Variants in HS6ST3 observed in about 807,000 individuals in gnomAD.
HS6ST3 encodes heparan sulfate 6-O-sulfotransferase 3.
HS6ST3 carries 12 observed loss-of-function variants against 36.7 expected under a neutral mutation model. The observed-to-expected ratio is 0.33, with a 90% CI of 0.21 to 0.53. The LOEUF is 0.53. Ranked by LOEUF, HS6ST3 falls within the 20% of genes least tolerant of loss-of-function variation. HS6ST3 has a pLI of 0.95. For synonymous variants in HS6ST3, 240 were observed against 257.5 expected (o/e 0.93, Z 0.65); for missense variants, 584 against 640.9 (o/e 0.91, Z 0.96).
chr13:96,396,310 TTTTGTTTG>T (rs945133875), intron 1 of HS6ST3, among the ~76,000 whole-genome samples: 19 of 112,178 alleles, frequency 1.7e-4, no homozygotes, highest in African/African-American at 6.0e-4. Context: ...GGAGACTCTG[TTTTGTTTG>T]TTTGTTTGTT....
intron 1 of HS6ST3, among the ~76,000 whole-genome samples, chr13:96,477,950 A>G (rs2055872030): frequency 2.6e-5 from 4 of 152,120 alleles, no homozygotes; most frequent in Admixed American, 2.6e-4. Flanking sequence ...CACACAAAAA[A>G]CCGAAAGCTA....
chr13:96,733,914 C>A (rs1055708548), intron 1 of HS6ST3, among the ~76,000 whole-genome samples: 1 of 152,182 alleles, frequency 6.6e-6, no homozygotes, highest in Non-Finnish European at 1.5e-5. Context: ...CCTCCCACTG[C>A]CACCACAGCC....
At position 96,090,889 on chromosome 13, in the gene HS6ST3, G is replaced by T; in HGVS notation, c.27G>T (p.Leu9=). 6.6e-7 allele frequency: 1 copy of T among 1,512,378 alleles called. No homozygotes were observed. Among genetic ancestry groups the T allele is most frequent in the Non-Finnish European group, 8.9e-7 (1 of 1,125,270 alleles). 93.7% of individuals were successfully genotyped at this position (1,512,378 alleles called of 1,614,324 possible). The change falls in exon 1 of 2, where the codon CTG becomes CTT. Residue 9 remains leucine (L), a synonymous_variant. Coordinates refer to ENST00000376705, the MANE Select transcript of HS6ST3 (RefSeq NM_153456.4). MDERFNKW[L]LTPVLTLLFV... is the part of the protein sequence containing the mutation. Reference sequence around the variant, plus strand: ...TGGATGAAAGGTTCAACAAGTGGCTGCTGACGCCGGTGCTCACTCTCCTCT... The same window carrying T: ...TGGATGAAAGGTTCAACAAGTGGCTTCTGACGCCGGTGCTCACTCTCCTCT...
intron 1 of HS6ST3, among the ~76,000 whole-genome samples, chr13:96,180,214 AC>A (rs2054233264): frequency 6.6e-6 from 1 of 152,190 alleles, no homozygotes; most frequent in South Asian, 2.1e-4. Context: ...ACACACGCCA[AC>A]CAACTAAACT....
chr13:96,538,515 C>T (rs1395541978), intron 1 of HS6ST3, among the ~76,000 whole-genome samples: 1 of 152,224 alleles, frequency 6.6e-6, no homozygotes, highest in Non-Finnish European at 1.5e-5. Context: ...ACGATCTTGG[C>T]TCACTGCAAC....
chr13:96,461,519 A>G (rs1403441042), intron 1 of HS6ST3, among the ~76,000 whole-genome samples: 3 of 152,222 alleles, frequency 2.0e-5, no homozygotes, highest in African/African-American at 7.2e-5. Context: ...TTCTGGTAGT[A>G]TGAAAGGCTA....
intron 1 of HS6ST3, among the ~76,000 whole-genome samples, chr13:96,743,003 T>A (rs1876479759): frequency 6.6e-6 from 1 of 152,082 alleles, no homozygotes; most frequent in African/African-American, 2.4e-5. Context: ...GAGGAGAGTG[T>A]CCACTCTAAC....
Position 96,688,534 on chromosome 13 carries a change from C to A in HS6ST3, c.708-143956C>A, listed in dbSNP as rs552106624. 5.2e-3 allele frequency among the ~76,000 whole-genome samples: 796 copies of A among 152,030 alleles called. 8 individuals are homozygous for A. Among genetic ancestry groups the A allele is most frequent in the African/African-American group, 0.018 (758 of 41,500 alleles). On this transcript the variant is annotated intron_variant, in intron 1 of 1. Transcript: ENST00000376705. Reference sequence around the variant, plus strand: ...TTTGCAGGTCTTATGAAGGATAGTGCTGAAGGAATAGCGGAGAAGAGACGC... The same window carrying A: ...TTTGCAGGTCTTATGAAGGATAGTGATGAAGGAATAGCGGAGAAGAGACGC...
chr13:96,120,867 T>G (rs2053922222), intron 1 of HS6ST3, among the ~76,000 whole-genome samples: 1 of 152,186 alleles, frequency 6.6e-6, no homozygotes, highest in South Asian at 2.1e-4. Context: ...CTAAAGGACA[T>G]GTATTACAAA....
At chr13:96,674,698 G>A (rs2056693445) in intron 1 of HS6ST3, among the ~76,000 whole-genome samples, 1 of 152,100 alleles carries the variant, frequency 6.6e-6, no homozygotes, top group African/African-American at 2.4e-5. Context: ...GGGGGATGCT[G>A]GAGACACATG....
At chr13:96,184,909 C>T (rs1440129036) in intron 1 of HS6ST3, among the ~76,000 whole-genome samples, 1 of 152,146 alleles carries the variant, frequency 6.6e-6, no homozygotes, top group South Asian at 2.1e-4. Context: ...CCCGCCAGGG[C>T]CCTGGCACAA....
At chr13:96,646,305 G>T (rs1416830882) in intron 1 of HS6ST3, among the ~76,000 whole-genome samples, 2 of 151,950 alleles carry the variant, frequency 1.3e-5, no homozygotes, top group Non-Finnish European at 2.9e-5. Context: ...TTCATACTTT[G>T]CTGGATGCTG....
At chr13:96,826,189 G>T (rs1339082894) in intron 1 of HS6ST3, among the ~76,000 whole-genome samples, 1 of 152,080 alleles carries the variant, frequency 6.6e-6, no homozygotes, top group Non-Finnish European at 1.5e-5. Flanking sequence ...CCTTTTTGCA[G>T]TGAGTCTGTG....
chr13:96,246,080 G>C (rs1261375300), intron 1 of HS6ST3, among the ~76,000 whole-genome samples: 1 of 152,112 alleles, frequency 6.6e-6, no homozygotes, highest in Non-Finnish European at 1.5e-5. Context: ...TTCTTTATTA[G>C]ATTAAATAAT....
At chr13:96,237,511 A>T (rs1019075182) in intron 1 of HS6ST3, among the ~76,000 whole-genome samples, 2 of 151,934 alleles carry the variant, frequency 1.3e-5, no homozygotes, top group African/African-American at 4.8e-5. Flanking sequence ...TGCATCATTC[A>T]TCTCTTCCTT....
At chr13:96,659,845 T>A (rs2056640271) in intron 1 of HS6ST3, among the ~76,000 whole-genome samples, 1 of 152,140 alleles carries the variant, frequency 6.6e-6, no homozygotes, top group Non-Finnish European at 1.5e-5. Context: ...CTTCTGTTGA[T>A]ACATAAACAG....
At chr13:96,344,549 G>C (rs2055144650) in intron 1 of HS6ST3, among the ~76,000 whole-genome samples, 1 of 152,148 alleles carries the variant, frequency 6.6e-6, no homozygotes, top group Non-Finnish European at 1.5e-5. Flanking sequence ...CTTTCTCTTT[G>C]CTACTGATTG....
chr13:96,587,086 A>G (rs1347047371), intron 1 of HS6ST3, among the ~76,000 whole-genome samples: 1 of 152,110 alleles, frequency 6.6e-6, no homozygotes, highest in Non-Finnish European at 1.5e-5. Context: ...ACCTTTGTTG[A>G]AAGTCAGTCA....
intron 1 of HS6ST3, among the ~76,000 whole-genome samples, chr13:96,131,849 C>CA (rs2139311985): frequency 6.6e-6 from 1 of 150,944 alleles, no homozygotes; most frequent in South Asian, 2.1e-4. Flanking sequence ...TGTAACCTGA[C>CA]AAACGTCACA....
Sources: gnomAD v4.1 joint callset for allele counts (sites outside exome capture counted in the v4.1 genomes callset) on GRCh38, gnomAD v4.1.1 for gene constraint, MANE v1.5 for transcripts, NCBI Gene and HGNC (gene_info 2026-07-23, HGNC 2026-07-21) for gene names.